Variants in ROR2 observed in about 807,000 individuals in gnomAD.
ROR2 encodes the protein ROR family WNT receptor 2.
Under a neutral mutation model 74.9 loss-of-function variants are expected in ROR2, and 33 were observed. The ratio of observed to expected loss-of-function variants is 0.44; its 90% CI spans 0.33 to 0.59. ROR2 has a LOEUF of 0.59. Among genes scored for constraint, ROR2 ranks in the 20% least tolerant of loss-of-function variants. The probability of loss-of-function intolerance (pLI) is 0.02; values close to 1 mark genes in which losing one functional copy is unlikely to be tolerated. For synonymous variants in ROR2, 586 were observed against 558.7 expected (o/e 1.05, Z -0.69); for missense variants, 1,216 against 1,313.8 (o/e 0.93, Z 1.15).
intron 1 of ROR2, among the ~76,000 whole-genome samples, chr9:91,782,551 G>A (rs1299377016): frequency 7.9e-6 from 1 of 126,362 alleles, no homozygotes; most frequent in Admixed American, 9.1e-5. Flanking sequence ...TGGGCCACAC[G>A]TAAAATATAC....
At chr9:91,918,664 G>A (rs1831195704) in intron 1 of ROR2, among the ~76,000 whole-genome samples, 2 of 152,154 alleles carry the variant, frequency 1.3e-5, no homozygotes, top group Non-Finnish European at 2.9e-5. Context: ...ACGATTCTGT[G>A]AATATCTTAA....
chr9:91,918,037 C>T (rs574926381), intron 1 of ROR2, among the ~76,000 whole-genome samples: 11 of 152,006 alleles, frequency 7.2e-5, no homozygotes, highest in African/African-American at 2.4e-4. Context: ...TTTGGGAGGC[C>T]GAGACAGGCG....
chr9:91,852,040 A>T (rs1481640285), intron 1 of ROR2, among the ~76,000 whole-genome samples: 1 of 149,726 alleles, frequency 6.7e-6, no homozygotes, highest in Non-Finnish European at 1.5e-5. Context: ...CAAATTTTTC[A>T]GTGAAGTCTC....
At chr9:91,810,992 A>T (rs1827731331) in intron 1 of ROR2, among the ~76,000 whole-genome samples, 2 of 152,258 alleles carry the variant, frequency 1.3e-5, no homozygotes, top group Admixed American at 6.5e-5. Context: ...TTCTCAGCAG[A>T]AACTATAAGA....
chr9:91,944,546 T>A (rs1831962348), intron 1 of ROR2, among the ~76,000 whole-genome samples: 1 of 152,044 alleles, frequency 6.6e-6, no homozygotes, highest in African/African-American at 2.4e-5. Context: ...CACACAAAAA[T>A]GTTACATTTC....
chr9:91,813,928 G>A (rs80173010), intron 1 of ROR2, among the ~76,000 whole-genome samples: 3,114 of 152,336 alleles, frequency 0.02, 97 homozygotes, highest in East Asian at 0.16. Flanking sequence ...TGAGAGCTGA[G>A]GGCCTATGGG....
intron 1 of ROR2, among the ~76,000 whole-genome samples, chr9:91,806,819 G>A (rs905833880): frequency 6.6e-6 from 1 of 152,144 alleles, no homozygotes; most frequent in Non-Finnish European, 1.5e-5. Context: ...TCGATCTCCT[G>A]ACCTTGTGAT....
At chr9:91,812,061 C>CAAA (rs527726654) in intron 1 of ROR2, among the ~76,000 whole-genome samples, 10 of 133,392 alleles carry the variant, frequency 7.5e-5, no homozygotes, top group African/African-American at 1.9e-4. Context: ...TAAAAAAATG[C>CAAA]AAAAAAAAAA....
Position 91,731,025 on chromosome 9 carries a change from A to T in ROR2, c.1068T>A (p.Pro356=). 1 of 1,614,136 alleles carries T rather than the reference A, an allele frequency of 6.2e-7. No individual in the cohort carries two copies. The highest frequency in any genetic ancestry group is 1.1e-5 in the South Asian group (1 of 91,078). The change falls in exon 7 of 9, where the codon CCT becomes CCA. Residue 356 remains proline (P), a synonymous_variant. Coordinates refer to ENST00000375708, the MANE Select transcript of ROR2 (RefSeq NM_004560.4). ...HSHHLSSTDF[P]ELGGGHAYCR... is the part of the protein sequence containing the mutation. Reference sequence around the variant, plus strand: ...AGTAGGCGTGCCCCCCTCCAAGCTCAGGGAAGTCTGTGCTGGACAGGTGGT... The same window carrying T: ...AGTAGGCGTGCCCCCCTCCAAGCTCTGGGAAGTCTGTGCTGGACAGGTGGT...
intron 3 of ROR2, among the ~76,000 whole-genome samples, chr9:91,756,842 C>T (rs1267667256): frequency 6.6e-6 from 1 of 150,994 alleles, no homozygotes; most frequent in African/African-American, 2.4e-5. Flanking sequence ...CCTCCACCTC[C>T]CAGGTTCAAG....
At chr9:91,746,857 G>GGTGTGTGTGTGT (rs57891940) in intron 4 of ROR2, among the ~76,000 whole-genome samples, 1 of 149,924 alleles carries the variant, frequency 6.7e-6, no homozygotes, top group African/African-American at 2.5e-5. Flanking sequence ...TCCTTGAGCA[G>GGTGTGTGTGTGT]GTGTGTGTGT....
chr9:91,734,256 C>A (rs1462890910), intron 5 of ROR2, among the ~76,000 whole-genome samples: 1 of 152,094 alleles, frequency 6.6e-6, no homozygotes, highest in African/African-American at 2.4e-5. Context: ...ATCAGCCTGC[C>A]CTGGGCTCAC....
intron 1 of ROR2, among the ~76,000 whole-genome samples, chr9:91,872,166 A>G (rs1829816492): frequency 6.6e-6 from 1 of 152,072 alleles, no homozygotes; most frequent in Admixed American, 6.5e-5. Flanking sequence ...ATTCACCCTC[A>G]TTTGTTTTTT....
At chr9:91,910,345 T>C (rs1032216266) in intron 1 of ROR2, among the ~76,000 whole-genome samples, 2 of 152,246 alleles carry the variant, frequency 1.3e-5, no homozygotes, top group Admixed American at 1.3e-4. Flanking sequence ...GGCTTATTAC[T>C]ACTATTACTA....
At chr9:91,896,723 A>T (rs1197777928) in intron 1 of ROR2, among the ~76,000 whole-genome samples, 2 of 152,198 alleles carry the variant, frequency 1.3e-5, no homozygotes, top group Non-Finnish European at 2.9e-5. Context: ...ACTTACTTCT[A>T]AGGGCACTTT....
At chr9:91,731,275 G>C (rs796215414) in intron 6 of ROR2, 120 bp from the exon 7 acceptor site, 12 of 1,421,118 alleles carry the variant, frequency 8.4e-6, no homozygotes, top group African/African-American at 7.0e-5. Context: ...CCAGAAAAGA[G>C]GCATTAAAAG....
chr9:91,949,953 C>A lies in ROR2; in HGVS notation c.11G>T (p.Gly4Val). 2.0e-6 allele frequency: 3 copies of A among 1,488,422 alleles called. No homozygotes were observed. The highest frequency in any genetic ancestry group is 2.7e-6 in the Non-Finnish European group (3 of 1,125,028). 92.2% of individuals were successfully genotyped at this position (1,488,422 alleles called of 1,614,324 possible). Residue 4 changes from glycine to valine, a missense_variant, in exon 1 of 9, where the codon GGC (glycine) becomes GTC (valine). Gly to Val is a moderately radical substitution (Grantham distance 109, BLOSUM62 -3). Transcript: ENST00000375708. Reference protein sequence around the residue: MARGSALPRRPLLC... With the variant: MARVSALPRRPLLC... ...CAGCGGCCGCCGCGGGAGCGCCGAG[C>A]CCCGGGCCATGCCGCAGGCAGTGGG...
chr9:91,868,395 A>C (rs574281869), intron 1 of ROR2, among the ~76,000 whole-genome samples: 1 of 152,284 alleles, frequency 6.6e-6, no homozygotes, highest in African/African-American at 2.4e-5. Flanking sequence ...CCAGAAGAAG[A>C]AGAAAAAAAG....
In ROR2 at chr9:91,822,414, G is replaced by A. The variant is rs141028030; in HGVS notation, c.98-46596C>T. Among the ~76,000 whole-genome samples the A allele has an allele frequency of 3.3e-4, 51 of 152,256 alleles. 1 individual carries two copies. In the East Asian group the frequency reaches 8.5e-3, roughly 25 times the overall value. On this transcript the variant is annotated intron_variant, in intron 1 of 8. Coordinates refer to ENST00000375708, the MANE Select transcript of ROR2 (RefSeq NM_004560.4). ...TGGAAGAAAGACTCAAAAACTAAAAGAACAAAGGCACCTGCTTCCAGGGCT... is the reference window on the plus strand; with the variant it reads ...TGGAAGAAAGACTCAAAAACTAAAAAAACAAAGGCACCTGCTTCCAGGGCT...
Sources: gnomAD v4.1 joint callset for allele counts (sites outside exome capture counted in the v4.1 genomes callset) on GRCh38, gnomAD v4.1.1 for gene constraint, MANE v1.5 for transcripts, NCBI Gene and HGNC (gene_info 2026-07-23, HGNC 2026-07-21) for gene names.